Variants in SEMA6C observed in about 807,000 individuals in gnomAD.
SEMA6C encodes semaphorin-6C.
In SEMA6C, 37 loss-of-function variants were observed where a neutral mutation model predicts 72.9. The ratio of observed to expected loss-of-function variants is 0.51; its 90% confidence interval spans 0.39 to 0.67. The LOEUF (loss-of-function observed/expected upper bound fraction) is 0.67, where lower values mean the gene tolerates loss of function less well. SEMA6C is among the 30% of genes least tolerant of loss of function. The pLI is 0.00. For synonymous variants in SEMA6C, 578 were observed against 554.1 expected, an observed-to-expected ratio of 1.04 and a Z score of -0.61; for missense variants, 1,189 against 1,263.6, an observed-to-expected ratio of 0.94 and a Z score of 0.89.
intron 8 of SEMA6C, 54 bp from the exon 9 acceptor site, chr1:151,138,159 C>A: frequency 6.2e-7 from 1 of 1,602,652 alleles, no homozygotes; most frequent in South Asian, 1.1e-5. Context: ...CTGTATCCTG[C>A]CTCTTCTTGG....
Position 151,138,631 on chromosome 1 carries a change from C to T in SEMA6C, c.455G>A (p.Gly152Glu). 1 of 1,613,422 alleles carries T rather than the reference C, an allele frequency of 6.2e-7. No individual in the cohort carries two copies. The change falls in exon 7 of 19, where the codon GGG (glycine) becomes GAG (glutamate). Residue 152 changes from glycine to glutamate, a missense_variant and splice_region_variant. Physicochemically the swap from Gly to Glu is moderately conservative, Grantham distance 98 (BLOSUM62 -2). Coordinates refer to ENST00000368914, the MANE Select transcript of SEMA6C (RefSeq NM_030913.6). ...TAACCCCCACCCTCTCTTTTGTACCCCATAGCTGCGGCACACAGGGCTGAA... is the reference window on the plus strand; with the variant it reads ...TAACCCCCACCCTCTCTTTTGTACCTCATAGCTGCGGCACACAGGGCTGAA... ...NSFSPVCRSY[G>E]ITSLQQEGEE...
In SEMA6C at chr1:151,138,020, G is replaced by C; in HGVS notation, c.633C>G (p.Leu211=). Residue 211 remains leucine, a synonymous_variant, in exon 9 of 19, where the codon CTC becomes CTG. Coordinates refer to ENST00000368914, the MANE Select transcript of SEMA6C (RefSeq NM_030913.6). ...ACTTGGAGTCATACTTGGCGGAGCG[G>C]AGTGGGGGCTGGGGCCCAAGGCTTC... ...VYRSLGPQPP[L]RSAKYDSKWL... 2.5e-6 allele frequency: 4 copies of C among 1,614,208 alleles called. No individual in the cohort carries two copies. The highest frequency in any genetic ancestry group is 3.4e-6 in the Non-Finnish European group (4 of 1,180,030).
Position 151,146,149 on chromosome 1 carries a change from A to G in SEMA6C, c.-105+284T>C, listed in dbSNP as rs1558192869. The G allele has an allele frequency of 6.6e-6, 1 of 152,188 alleles. No homozygotes were observed. The highest frequency in any genetic ancestry group is 1.5e-5 in the Non-Finnish European group (1 of 68,064). 9.4% of individuals were successfully genotyped at this position (152,188 alleles called of 1,614,324 possible). ...ACGCTCTCTACGGAGCGCGCCTCAA[A>G]TAATCCCTTTTCGCGCTTCCCAGTC... On this transcript the variant is annotated intron_variant, in intron 1 of 18. Transcript: ENST00000368914. This position sits in a 1 kb window ranked among gnomAD's most constrained non-coding sequence, Gnocchi z 4.6.
In SEMA6C at chr1:151,134,456, G is replaced by T; in HGVS notation, c.1715-11C>A. 1 of 1,606,026 alleles carries T rather than the reference G, an allele frequency of 6.2e-7. No individual in the cohort carries two copies. Among genetic ancestry groups the T allele is most frequent in the Non-Finnish European group, 8.5e-7 (1 of 1,175,888 alleles). On this transcript the variant is annotated splice_polypyrimidine_tract_variant and intron_variant, in intron 17 of 18. Transcript: ENST00000368914. The stretch of plus-strand genomic sequence containing the variant: ...TCCCAGTAGCTCCATCTATGAAGAA[G>T]GGACAGGGTGAAGATGGGGGGAAAG...
Position 151,145,951 on chromosome 1 carries a change from T to G in SEMA6C, c.-105+482A>C, listed in dbSNP as rs950073167. The G allele has an allele frequency of 1.3e-5, 2 of 152,184 alleles. No homozygotes were observed. The highest frequency in any genetic ancestry group is 2.4e-5 in the African/African-American group (1 of 41,434). 9.4% of individuals were successfully genotyped at this position (152,184 alleles called of 1,614,324 possible). ...GCCGCCTCTTTGCACGAGCCAACCC[T>G]TCAGAGGGTGCTCAGATTCCGGCTT... is the stretch of plus-strand genomic sequence containing the variant. On this transcript the variant is annotated intron_variant, in intron 1 of 18. Transcript: ENST00000368914. This position sits in a 1 kb window ranked among gnomAD's most constrained non-coding sequence, Gnocchi z 4.4.
intron 15 of SEMA6C, 43 bp downstream of exon 15, chr1:151,135,120 G>A (rs753322411): frequency 1.8e-4 from 287 of 1,603,404 alleles, no homozygotes; most frequent in Non-Finnish European, 2.2e-4. Context: ...TTGCTGGCCC[G>A]GGGAGCTTGC....
Position 151,136,153 on chromosome 1 carries a change from A to G in SEMA6C, c.1117T>C (p.Cys373Arg). ...DRVPSPRPGS[C>R]AGVGGAALFS... ...AAGGCAGCTCCCCCTACTCCTGCAC[A>G]GGATCCTGGCCTGGTGGGTGAATGG... is the stretch of plus-strand genomic sequence containing the variant. Residue 373 changes from cysteine to arginine, a missense_variant, in exon 13 of 19, where the codon TGT (cysteine) becomes CGT (arginine). This residue lies in a region of SEMA6C where 468 missense variants were observed against 577.4 expected (regional missense o/e 0.81). Coordinates refer to ENST00000368914, the MANE Select transcript of SEMA6C (RefSeq NM_030913.6). 1 of 1,613,792 alleles carries G rather than the reference A, an allele frequency of 6.2e-7. No homozygotes were observed. The highest frequency in any genetic ancestry group is 2.2e-5 in the East Asian group (1 of 44,878).
In SEMA6C at chr1:151,132,109, G is replaced by A. The variant is rs888229991; in HGVS notation, c.*375C>T. On this transcript the variant is annotated 3_prime_UTR_variant, in exon 19 of 19. Transcript: ENST00000368914. ...GGCTCCTACACAGTAGGAGAGGCAC[G>A]TCCCAGACCCAGAAGGCCCGAGGAC... 1.1e-5 allele frequency: 10 copies of A among 948,136 alleles called. No homozygotes were observed. The highest frequency in any genetic ancestry group is 8.1e-5 in the South Asian group (5 of 61,522). The allele number at this position is 948,136 out of a possible 1,614,324, so 58.7% of individuals were successfully genotyped here. A position where few individuals can be genotyped will look rare whatever the true frequency, so the allele number is the denominator to read the frequency against.
chr1:151,140,171 T>G, intron 3 of SEMA6C, 81 bp from the exon 4 acceptor site: 1 of 1,088,638 alleles, frequency 9.2e-7, no homozygotes, highest in Non-Finnish European at 1.4e-6. Context: ...AACCCAGCAG[T>G]GGACACAGTG....
chr1:151,132,923 TC>T lies in SEMA6C; in HGVS notation c.2353del (p.Glu785SerfsTer6). 7.2e-7 allele frequency: 1 copy of T among 1,388,192 alleles called. No homozygotes were observed. Among genetic ancestry groups the T allele is most frequent in the Non-Finnish European group, 9.3e-7 (1 of 1,070,232 alleles). 86.0% of individuals were successfully genotyped at this position (1,388,192 alleles called of 1,614,324 possible). A position where few individuals can be genotyped will look rare whatever the true frequency, so the allele number is the denominator to read the frequency against. On this transcript the variant is annotated frameshift_variant, in exon 19 of 19. Coordinates refer to ENST00000368914, the MANE Select transcript of SEMA6C (RefSeq NM_030913.6). LOFTEE classifies it low-confidence loss of function (END_TRUNC). ...CCGCGAGGTTAAAGGGGCGGGGGGC[TC>T]GGCCCCCTTTCTGGGCGGCTGCGGG... is the stretch of plus-strand genomic sequence containing the variant. Reference protein sequence around the residue: ...HGPQPPRKGAEPPAPLTSRAL... With the variant: ...HGPQPPRKGAXPPAPLTSRAL...
intron 6 of SEMA6C, 51 bp downstream of exon 6, chr1:151,139,373 TG>T: frequency 6.7e-7 from 1 of 1,490,386 alleles, no homozygotes; most frequent in Non-Finnish European, 9.4e-7. Context: ...GGACAGAGAC[TG>T]GGGGCAGAGT....
Position 151,132,874 on chromosome 1 carries a change from G to T in SEMA6C, c.2403C>A (p.Pro801=). The stretch of plus-strand genomic sequence containing the variant: ...TGGGGCTGGGGCCGCCCAAGAGGGC[G>T]GGGGCGGGCTCCGGCGGGAGCGCCC... ...TSRALPPEPA[P]ALLGGPSPRP... The change falls in exon 19 of 19, where the codon CCC becomes CCA. Residue 801 remains proline (P), a synonymous_variant. Transcript: ENST00000368914. The T allele has an allele frequency of 7.7e-7, 1 of 1,296,566 alleles. No individual in the cohort carries two copies. The highest frequency in any genetic ancestry group is 3.7e-5 in the East Asian group (1 of 26,784). 80.3% of individuals were successfully genotyped at this position (1,296,566 alleles called of 1,614,324 possible). A position where few individuals can be genotyped will look rare whatever the true frequency, so the allele number is the denominator to read the frequency against.
intron 4 of SEMA6C, 71 bp downstream of exon 4, chr1:151,139,905 T>C: frequency 2.1e-6 from 3 of 1,423,530 alleles, no homozygotes; most frequent in Non-Finnish European, 2.9e-6. Context: ...GATGCTACAG[T>C]GGCCATACAG....
Position 151,132,820 on chromosome 1 carries a change from C to G in SEMA6C, c.2457G>C (p.Arg819Ser). Residue 819 changes from arginine (R) to serine (S), a missense_variant, in exon 19 of 19, where the codon AGG (arginine) becomes AGC (serine). Transcript: ENST00000368914. Reference sequence around the variant, plus strand: ...ACCTGCCCTCGGGGGGCACGTCCAGCCTCAGCGGCGAGGCGCACTCGTGGG... The same window carrying G: ...ACCTGCCCTCGGGGGGCACGTCCAGGCTCAGCGGCGAGGCGCACTCGTGGG... ...PRPHECASPL[R>S]LDVPPEGRCA... 7.7e-7 allele frequency: 1 copy of G among 1,306,778 alleles called. No individual in the cohort carries two copies. Among genetic ancestry groups the G allele is most frequent in the Non-Finnish European group, 9.7e-7 (1 of 1,028,258 alleles). 80.9% of individuals were successfully genotyped at this position (1,306,778 alleles called of 1,614,324 possible). A position where few individuals can be genotyped will look rare whatever the true frequency, so the allele number is the denominator to read the frequency against.
Position 151,132,133 on chromosome 1 carries a change from A to C in SEMA6C, c.*351T>G. ...CGTCCCAGACCCAGAAGGCCCGAGG[A>C]CTCTGGACACAGCGCGCGCGGCCCG... is the stretch of plus-strand genomic sequence containing the variant. On this transcript the variant is annotated 3_prime_UTR_variant, in exon 19 of 19. Coordinates refer to ENST00000368914, the MANE Select transcript of SEMA6C (RefSeq NM_030913.6). 3 of 1,219,220 alleles carry C rather than the reference A, an allele frequency of 2.5e-6. No homozygotes were observed. Among genetic ancestry groups the C allele is most frequent in the Non-Finnish European group, 3.2e-6 (3 of 932,116 alleles). The allele number at this position is 1,219,220 out of a possible 1,614,324, so 75.5% of individuals were successfully genotyped here.
chr1:151,132,105 GCA>G lies in SEMA6C; in HGVS notation c.*377_*378del. The G allele has an allele frequency of 1.1e-6, 1 of 872,978 alleles. No individual in the cohort carries two copies. The highest frequency in any genetic ancestry group is 1.6e-6 in the Non-Finnish European group (1 of 641,256). 54.1% of individuals were successfully genotyped at this position (872,978 alleles called of 1,614,324 possible). A position where few individuals can be genotyped will look rare whatever the true frequency, so the allele number is the denominator to read the frequency against. On this transcript the variant is annotated 3_prime_UTR_variant, in exon 19 of 19. Coordinates refer to ENST00000368914, the MANE Select transcript of SEMA6C (RefSeq NM_030913.6). The stretch of plus-strand genomic sequence containing the variant: ...CGGAGGCTCCTACACAGTAGGAGAG[GCA>G]CGTCCCAGACCCAGAAGGCCCGAGG...
rs1384931662 is a variant in SEMA6C, at chr1:151,132,799, G to C, written c.2478C>G (p.Gly826=). ...SPLRLDVPPE[G]RCASAPARPA... is the part of the protein sequence containing the mutation. ...GCCGGGCGGGGGCAGAGGCGCACCT[G>C]CCCTCGGGGGGCACGTCCAGCCTCA... The change falls in exon 19 of 19, where the codon GGC becomes GGG. Residue 826 remains glycine, a synonymous_variant. Coordinates refer to ENST00000368914, the MANE Select transcript of SEMA6C (RefSeq NM_030913.6). 2.2e-6 allele frequency: 3 copies of C among 1,338,608 alleles called. No homozygotes were observed. The highest frequency in any genetic ancestry group is 3.1e-5 in the African/African-American group (2 of 63,982). The allele number at this position is 1,338,608 out of a possible 1,614,324, so 82.9% of individuals were successfully genotyped here. A position where few individuals can be genotyped will look rare whatever the true frequency, so the allele number is the denominator to read the frequency against.
intron 3 of SEMA6C, 140 bp from the exon 4 acceptor site, chr1:151,140,230 C>G: frequency 1.5e-6 from 1 of 683,612 alleles, no homozygotes; most frequent in Non-Finnish European, 2.7e-6. Flanking sequence ...ACCAATAACA[C>G]TGAGTACTTA....
intron 2 of SEMA6C, among the ~76,000 whole-genome samples, chr1:151,142,997 C>G (rs1011845602): frequency 6.6e-6 from 1 of 152,172 alleles, no homozygotes; most frequent in African/African-American, 2.4e-5. Context: ...TCCTGGCCCC[C>G]CTCTTGCTAA....
Sources: gnomAD v4.1 joint callset for allele counts (sites outside exome capture counted in the v4.1 genomes callset) on GRCh38, gnomAD v4.1.1 for gene constraint, gnomAD v4.1.1 regional missense constraint, Gnocchi (gnomAD v3.1) non-coding constraint, MANE v1.5 for transcripts, NCBI Gene and HGNC (gene_info 2026-07-23, HGNC 2026-07-21) for gene names.